The following MTRF1 variants were observed in gnomAD, a reference collection of about 807,000 sequenced individuals.
The protein encoded by MTRF1 is peptide chain release factor 1, mitochondrial.
In MTRF1, 51 loss-of-function variants were observed where a neutral mutation model predicts 62.9. That is an observed-to-expected ratio of 0.81 (90% CI 0.65 to 1.02). MTRF1 has a LOEUF of 1.02. Ranked by LOEUF, MTRF1 falls within the 50% of genes least tolerant of loss-of-function variation. The probability of loss-of-function intolerance (pLI) is 0.00; values close to 1 mark genes in which losing one functional copy is unlikely to be tolerated. For missense variants in MTRF1, 446 were observed against 530.0 expected (o/e 0.84, Z 1.56); for synonymous variants, 158 against 181.9 (o/e 0.87, Z 1.06).
chr13:41,295,305 T>C, the MTRF1 span, among the ~76,000 whole-genome samples: 5 of 152,212 alleles, frequency 3.3e-5, no homozygotes, highest in Non-Finnish European at 7.3e-5. Flanking sequence ...GTCTGCATTG[T>C]TCAGTATAAC....
chr13:41,284,145 C>G, the MTRF1 span, among the ~76,000 whole-genome samples: 1 of 151,894 alleles, frequency 6.6e-6, no homozygotes, highest in East Asian at 1.9e-4. Context: ...AGTTCAAGAC[C>G]AGCCTGGGCA....
At chr13:41,268,793 A>G in the MTRF1 span, among the ~76,000 whole-genome samples, 1 of 152,164 alleles carries the variant, frequency 6.6e-6, no homozygotes, top group Non-Finnish European at 1.5e-5. Flanking sequence ...GAGTAAATCA[A>G]TCCCTTAAGA....
At chr13:41,233,842 G>C in intron 7 of MTRF1, 48 bp downstream of exon 7, 1 of 1,427,320 alleles carries the variant, frequency 7.0e-7, no homozygotes, top group Non-Finnish European at 9.9e-7. Context: ...CAAATGCTGA[G>C]TAAGATGGAA....
chr13:41,311,665 G>C, the MTRF1 span: 1 of 1,339,926 alleles, frequency 7.5e-7, no homozygotes, highest in South Asian at 1.3e-5. Flanking sequence ...GGCGGCCGGC[G>C]CGGGCCAGGC....
chr13:41,290,134 T>C, the MTRF1 span, among the ~76,000 whole-genome samples: 1 of 145,526 alleles, frequency 6.9e-6, no homozygotes, highest in East Asian at 2.1e-4. Context: ...TCTCGCTCTG[T>C]CTCCCAGGCT....
At chr13:41,249,279 C>T (rs374674208) in intron 5 of MTRF1, among the ~76,000 whole-genome samples, 8 of 152,252 alleles carry the variant, frequency 5.3e-5, no homozygotes, top group Non-Finnish European at 1.0e-4. Flanking sequence ...CGGTGGCTCA[C>T]GCCTGTAATC....
intron 7 of MTRF1, among the ~76,000 whole-genome samples, chr13:41,227,558 A>G (rs1363814183): frequency 1.3e-5 from 2 of 152,094 alleles, no homozygotes; most frequent in African/African-American, 4.8e-5. Context: ...CTCTGAAACG[A>G]TCACTTCTTG....
the MTRF1 span, among the ~76,000 whole-genome samples, chr13:41,281,381 T>G: frequency 6.6e-6 from 1 of 150,856 alleles, no homozygotes; most frequent in African/African-American, 2.4e-5. Context: ...TAGTTTTTGT[T>G]TTTTTTTTTA....
intron 4 of MTRF1, 22 bp from the exon 5 acceptor site, chr13:41,252,774 A>T (rs1256700287): frequency 1.2e-6 from 2 of 1,605,312 alleles, no homozygotes; most frequent in African/African-American, 2.7e-5. Flanking sequence ...TACGAAAAAT[A>T]TTTAGTCAGG....
chr13:41,222,066 A>T (rs2033482471), intron 9 of MTRF1, among the ~76,000 whole-genome samples: 1 of 152,176 alleles, frequency 6.6e-6, no homozygotes, highest in Non-Finnish European at 1.5e-5. Context: ...TTTACAAGGT[A>T]TATTTCCCTT....
At chr13:41,284,464 C>T in the MTRF1 span, among the ~76,000 whole-genome samples, 431 of 147,358 alleles carry the variant, frequency 2.9e-3, no homozygotes, top group Non-Finnish European at 3.7e-3. Context: ...GACAGAATGA[C>T]ACTCTGTCTC....
chr13:41,271,054 TACACACAC>T, the MTRF1 span, among the ~76,000 whole-genome samples: 298 of 142,908 alleles, frequency 2.1e-3, 1 homozygote, highest in African/African-American at 2.7e-3. Context: ...GCCTTTTAAA[TACACACAC>T]ACACACACAC....
At chr13:41,244,519 G>A (rs1417693250) in intron 5 of MTRF1, among the ~76,000 whole-genome samples, 1 of 152,160 alleles carries the variant, frequency 6.6e-6, no homozygotes, top group Admixed American at 6.5e-5. Flanking sequence ...GGCCCCCCAG[G>A]ATCCCTGCCT....
At chr13:41,231,478 T>C (rs2035545875) in intron 7 of MTRF1, among the ~76,000 whole-genome samples, 1 of 152,112 alleles carries the variant, frequency 6.6e-6, no homozygotes, top group Non-Finnish European at 1.5e-5. Flanking sequence ...GACAAGAGGA[T>C]TAAGTAAACA....
intron 1 of MTRF1, 38 bp from the exon 2 acceptor site, chr13:41,260,953 T>TAAG: frequency 2.0e-6 from 3 of 1,517,300 alleles, no homozygotes; most frequent in Non-Finnish European, 2.7e-6. Flanking sequence ...AAAAAAATCA[T>TAAG]CTCTAAAGAT....
chr13:41,291,443 G>T, the MTRF1 span, among the ~76,000 whole-genome samples: 10 of 152,238 alleles, frequency 6.6e-5, 1 homozygote, highest in South Asian at 1.0e-3. Flanking sequence ...CTCCTAAAGT[G>T]CTGGGATTAC....
chr13:41,249,633 T>TC (rs2038795708), intron 5 of MTRF1, among the ~76,000 whole-genome samples: 1 of 127,102 alleles, frequency 7.9e-6, no homozygotes, highest in Admixed American at 7.8e-5. Flanking sequence ...TTTTTTTTTT[T>TC]TTTTTTTTTT....
the MTRF1 span, among the ~76,000 whole-genome samples, chr13:41,283,585 C>CTTTTTTTTTTTTTTTTTTTTTTT: frequency 2.4e-5 from 2 of 83,558 alleles, 1 homozygote; most frequent in Non-Finnish European, 4.2e-5. Flanking sequence ...CTCTGACAAT[C>CTTTTTTTTTTTTTTTTTTTTTTT]TTTTTTTTTT....
chr13:41,306,360 G>C, the MTRF1 span, among the ~76,000 whole-genome samples: 11,347 of 151,608 alleles, frequency 0.075, 1,426 homozygotes, highest in African/African-American at 0.26. Context: ...CTCCAGCCTG[G>C]GACACGGAGT....
Sources: allele counts gnomAD v4.1 joint callset (sites outside exome capture counted in the v4.1 genomes callset), GRCh38; gene constraint gnomAD v4.1.1; transcripts MANE v1.5; gene names NCBI Gene and HGNC (gene_info 2026-07-23, HGNC 2026-07-21).